PRIM2: variants seen among roughly 807,000 people sequenced by gnomAD.
PRIM2 encodes the protein DNA primase large subunit.
A neutral mutation model predicts 67.3 loss-of-function variants in PRIM2; 39 were observed. The ratio of observed to expected loss-of-function variants is 0.58; its 90% CI spans 0.45 to 0.76. The LOEUF (loss-of-function observed/expected upper bound fraction) is 0.76, where lower values mean the gene tolerates loss of function less well. Among genes scored for constraint, PRIM2 ranks in the 30% least tolerant of loss-of-function variants. PRIM2 has a pLI of 0.00. For synonymous variants in PRIM2, 143 were observed against 198.7 expected (o/e 0.72, Z 2.36); for missense variants, 398 against 598.7 (o/e 0.66, Z 3.50).
the PRIM2 span, among the ~76,000 whole-genome samples, chr6:57,295,126 TC>T: frequency 6.6e-6 from 1 of 152,188 alleles, no homozygotes; most frequent in Admixed American, 6.5e-5. Context: ...ACTTTATTTT[TC>T]ATAATAAGGA....
At position 57,590,439 on chromosome 6, in the gene PRIM2, G is replaced by A. The variant is rs1353742195; in HGVS notation, c.1021-10654G>A. ...GCTTAATTCCATATAGAGAGCATGC[G>A]CAAGTGGGGATTCCTAATTCCAAAT... On this transcript the variant is annotated intron_variant, in intron 10 of 13. Transcript: ENST00000615550. 1.5e-3 allele frequency among the ~76,000 whole-genome samples: 225 copies of A among 152,314 alleles called. 5 individuals are homozygous for A. The East Asian group carries it at 0.019, about 13-fold the overall frequency.
At chr6:57,445,046 G>T (rs1218254474) in intron 7 of PRIM2, among the ~76,000 whole-genome samples, 1 of 152,118 alleles carries the variant, frequency 6.6e-6, no homozygotes, top group African/African-American at 2.4e-5. Context: ...ATGCTACTTT[G>T]TGTTGTGTGA....
At chr6:57,287,055 G>A in the PRIM2 span, among the ~76,000 whole-genome samples, 2 of 152,186 alleles carry the variant, frequency 1.3e-5, no homozygotes, top group Admixed American at 6.5e-5. Context: ...AAACCACAAT[G>A]AGATGCCATC....
chr6:57,261,719 TG>T, the PRIM2 span, among the ~76,000 whole-genome samples: 1 of 152,124 alleles, frequency 6.6e-6, no homozygotes, highest in Non-Finnish European at 1.5e-5. Context: ...AGCAGGAGAC[TG>T]GGAGATAAAA....
At chr6:57,518,999 G>C (rs1222497171) in intron 8 of PRIM2, among the ~76,000 whole-genome samples, 2 of 152,210 alleles carry the variant, frequency 1.3e-5, no homozygotes, top group East Asian at 3.9e-4. Context: ...TTTAAAGCTG[G>C]GTGTCCGGGG....
chr6:57,634,969 T>C (rs1244947926), intron 13 of PRIM2, among the ~76,000 whole-genome samples: 2 of 152,208 alleles, frequency 1.3e-5, no homozygotes, highest in Admixed American at 1.3e-4. Context: ...CCTTCATTTA[T>C]ATTTTTTCTA....
At chr6:57,459,976 G>A (rs1207197939) in intron 7 of PRIM2, among the ~76,000 whole-genome samples, 1 of 152,180 alleles carries the variant, frequency 6.6e-6, no homozygotes, top group Non-Finnish European at 1.5e-5. Context: ...GAGGGGCACA[G>A]AGCCCCCTCC....
intron 9 of PRIM2, among the ~76,000 whole-genome samples, chr6:57,537,025 C>G (rs1465701431): frequency 6.6e-6 from 1 of 152,114 alleles, no homozygotes; most frequent in East Asian, 1.9e-4. Flanking sequence ...TGGATTGTAT[C>G]AATGTCAGTA....
intron 7 of PRIM2, among the ~76,000 whole-genome samples, chr6:57,455,852 T>G (rs1351483036): frequency 3.9e-5 from 6 of 152,308 alleles, no homozygotes; most frequent in Admixed American, 2.6e-4. Flanking sequence ...GTTATTTTGC[T>G]TGTTAGTTGA....
At chr6:57,317,448 A>G (rs935925044), upstream of PRIM2, among the ~76,000 whole-genome samples, 16 of 152,176 alleles carry the variant, frequency 1.1e-4, no homozygotes, top group Non-Finnish European at 2.4e-4. Context: ...AATTTGGAAA[A>G]AAAATCCCCA....
At chr6:57,273,691 A>T in the PRIM2 span, among the ~76,000 whole-genome samples, 1 of 152,160 alleles carries the variant, frequency 6.6e-6, no homozygotes, top group Non-Finnish European at 1.5e-5. Flanking sequence ...CCTTTGGAGG[A>T]GGAGAGGCAC....
At chr6:57,596,790 A>G (rs1420478296) in intron 10 of PRIM2, among the ~76,000 whole-genome samples, 4 of 151,736 alleles carry the variant, frequency 2.6e-5, no homozygotes, top group Admixed American at 2.0e-4. Flanking sequence ...TTATCTTTTA[A>G]TGTATCCACT....
chr6:57,579,626 G>T (rs1196548234), intron 10 of PRIM2, among the ~76,000 whole-genome samples: 1 of 152,132 alleles, frequency 6.6e-6, no homozygotes, highest in Non-Finnish European at 1.5e-5. Context: ...GTAGAAGTGT[G>T]CTAAAGATCT....
chr6:57,553,451 T>C (rs1410993164), intron 10 of PRIM2, among the ~76,000 whole-genome samples: 1 of 152,096 alleles, frequency 6.6e-6, no homozygotes, highest in Non-Finnish European at 1.5e-5. Context: ...TTTTAATTAG[T>C]GTATTTGAAT....
At chr6:57,495,745 G>A (rs1554346332) in intron 7 of PRIM2, among the ~76,000 whole-genome samples, 3 of 152,054 alleles carry the variant, frequency 2.0e-5, no homozygotes, top group Admixed American at 6.6e-5. Context: ...TTGATGTTTC[G>A]TTTTGTTTTT....
At chr6:57,323,267 C>T (rs1767723422) in intron 3 of PRIM2, among the ~76,000 whole-genome samples, 1 of 151,992 alleles carries the variant, frequency 6.6e-6, no homozygotes, top group South Asian at 2.1e-4. Flanking sequence ...TGTGTTTTTT[C>T]TCCAGAGGTT....
chr6:57,286,227 T>A, the PRIM2 span, among the ~76,000 whole-genome samples: 2 of 152,162 alleles, frequency 1.3e-5, no homozygotes, highest in Admixed American at 6.5e-5. Context: ...AAGCTACCAA[T>A]GACTTTCTTC....
At chr6:57,455,639 G>A (rs1772743450) in intron 7 of PRIM2, among the ~76,000 whole-genome samples, 1 of 151,962 alleles carries the variant, frequency 6.6e-6, no homozygotes. Context: ...CATTTGCTTG[G>A]TAGATCTTCC....
intron 10 of PRIM2, among the ~76,000 whole-genome samples, chr6:57,566,742 G>A (rs1775750730): frequency 6.6e-6 from 1 of 152,158 alleles, no homozygotes; most frequent in African/African-American, 2.4e-5. Flanking sequence ...TTTAGGATAA[G>A]CCGCTTTCCT....
Sources: allele counts gnomAD v4.1 joint callset (sites outside exome capture counted in the v4.1 genomes callset), GRCh38; gene constraint gnomAD v4.1.1; transcripts MANE v1.5; gene names NCBI Gene and HGNC (gene_info 2026-07-23, HGNC 2026-07-21).